Variants in UNC13C observed in about 807,000 individuals in gnomAD.
UNC13C encodes protein unc-13 homolog C.
A neutral mutation model predicts 245.4 loss-of-function variants in UNC13C; 174 were observed. That is an observed-to-expected ratio of 0.71 (90% CI 0.63 to 0.80). The LOEUF (loss-of-function observed/expected upper bound fraction) is 0.80, where lower values mean the gene tolerates loss of function less well. UNC13C is among the 30% of genes least tolerant of loss of function. The pLI, the probability that UNC13C is intolerant of heterozygous loss-of-function variation, is 0.00. For missense variants in UNC13C, 2,829 were observed against 2,602.9 expected, an observed-to-expected ratio of 1.09 and a Z score of -1.89; for synonymous variants, 992 against 895.1, an observed-to-expected ratio of 1.11 and a Z score of -1.93.
intron 32 of UNC13C, among the ~76,000 whole-genome samples, chr15:54,626,085 A>G (rs1596708744): frequency 6.6e-6 from 1 of 152,184 alleles, no homozygotes; most frequent in South Asian, 2.1e-4. Context: ...CTAGATGTAC[A>G]TTCATTAGAA....
intron 19 of UNC13C, among the ~76,000 whole-genome samples, chr15:54,492,072 C>T (rs967779545): frequency 2.6e-5 from 4 of 151,710 alleles, no homozygotes; most frequent in Non-Finnish European, 2.9e-5. Context: ...ACTTTTTCTA[C>T]TCATATATTT....
the UNC13C span, among the ~76,000 whole-genome samples, chr15:53,897,302 A>G: frequency 1.3e-5 from 2 of 152,184 alleles, no homozygotes; most frequent in Non-Finnish European, 2.9e-5. Context: ...AATGGACTGG[A>G]TCCGGAAAAT....
intron 2 of UNC13C, among the ~76,000 whole-genome samples, chr15:54,029,759 C>T (rs557546484): frequency 2.0e-5 from 3 of 152,140 alleles, no homozygotes; most frequent in African/African-American, 2.4e-5. Context: ...TCAGAAGGTG[C>T]GGCAGAGGTT....
At chr15:54,025,965 G>T (rs1345493903) in intron 2 of UNC13C, among the ~76,000 whole-genome samples, 2 of 152,118 alleles carry the variant, frequency 1.3e-5, no homozygotes, top group African/African-American at 2.4e-5. Context: ...CTTTTCTGAT[G>T]CTGACAGTGT....
chr15:54,137,366 C>A (rs8024250), intron 2 of UNC13C, among the ~76,000 whole-genome samples: 1 of 152,118 alleles, frequency 6.6e-6, no homozygotes, highest in Non-Finnish European at 1.5e-5. Flanking sequence ...ATAAAGTGAG[C>A]TGTAAGTATT....
At chr15:54,550,133 G>A (rs960857915) in intron 28 of UNC13C, among the ~76,000 whole-genome samples, 1 of 152,110 alleles carries the variant, frequency 6.6e-6, no homozygotes, top group Non-Finnish European at 1.5e-5. Context: ...GATTTAGGCA[G>A]GAAACTTCAG....
intron 30 of UNC13C, among the ~76,000 whole-genome samples, chr15:54,577,240 A>T (rs1218511639): frequency 2.0e-5 from 3 of 152,148 alleles, no homozygotes; most frequent in Non-Finnish European, 4.4e-5. Context: ...ATGATGTTTT[A>T]TTCAGTCTGT....
At chr15:54,213,721 A>T (rs2034955004) in intron 4 of UNC13C, among the ~76,000 whole-genome samples, 1 of 152,082 alleles carries the variant, frequency 6.6e-6, no homozygotes, top group Non-Finnish European at 1.5e-5. Context: ...ACTGAATTGC[A>T]TGTAACCAAA....
chr15:54,018,165 A>C (rs1895744515), intron 2 of UNC13C, among the ~76,000 whole-genome samples: 1 of 152,166 alleles, frequency 6.6e-6, no homozygotes, highest in Non-Finnish European at 1.5e-5. Flanking sequence ...TGCTCAGAGC[A>C]TCCCAAAGAG....
In UNC13C at chr15:54,143,628, A is replaced by T. The variant is rs1169194021; in HGVS notation, c.3015A>T (p.Ile1005=). Residue 1005 remains isoleucine (I), a synonymous_variant, in exon 4 of 33, where the codon ATA becomes ATT. Transcript: ENST00000260323. Reference sequence around the variant, plus strand: ...CTTACTCTTCATTTAAGGCTCGAATAGTAAGTGGCAATGATTTGGATGCTT... The same window carrying T: ...CTTACTCTTCATTTAAGGCTCGAATTGTAAGTGGCAATGATTTGGATGCTT... ...DSSSVDEKAR[I]VSGNDLDASK... is the part of the protein sequence containing the mutation. 2 of 1,613,138 alleles carry T rather than the reference A, an allele frequency of 1.2e-6. No homozygotes were observed. The highest frequency in any genetic ancestry group is 2.7e-5 in the African/African-American group (2 of 74,916).
At chr15:53,963,461 A>T in the UNC13C span, among the ~76,000 whole-genome samples, 1 of 152,168 alleles carries the variant, frequency 6.6e-6, no homozygotes, top group South Asian at 2.1e-4. Flanking sequence ...CAGTTTCCTC[A>T]TTAGTAAAAT....
At chr15:54,601,590 T>A (rs892286193) in intron 30 of UNC13C, among the ~76,000 whole-genome samples, 5 of 152,206 alleles carry the variant, frequency 3.3e-5, no homozygotes, top group African/African-American at 1.2e-4. Flanking sequence ...TTTGACTCTG[T>A]CAGCAGGAAA....
chr15:54,551,738 A>G (rs759391332), intron 28 of UNC13C, among the ~76,000 whole-genome samples: 13 of 152,060 alleles, frequency 8.5e-5, no homozygotes, highest in Non-Finnish European at 1.3e-4. Context: ...TTCGTTCTGT[A>G]TCATATTCCA....
chr15:53,966,685 A>C, the UNC13C span, among the ~76,000 whole-genome samples: 1 of 152,044 alleles, frequency 6.6e-6, no homozygotes. Flanking sequence ...ATAATTTACT[A>C]GAGTATATCC....
At chr15:54,023,721 A>G (rs958936631) in intron 2 of UNC13C, among the ~76,000 whole-genome samples, 8 of 152,334 alleles carry the variant, frequency 5.3e-5, no homozygotes, top group Admixed American at 3.9e-4. Flanking sequence ...TAAGACTGGA[A>G]TACCTGTATT....
At chr15:54,390,934 G>A (rs2039942070) in intron 17 of UNC13C, among the ~76,000 whole-genome samples, 1 of 151,940 alleles carries the variant, frequency 6.6e-6, no homozygotes, top group African/African-American at 2.4e-5. Context: ...AAAACTTAAT[G>A]ATTCAACATC....
the UNC13C span, among the ~76,000 whole-genome samples, chr15:53,899,517 C>T: frequency 1.3e-5 from 2 of 152,280 alleles, no homozygotes; most frequent in South Asian, 2.1e-4. Flanking sequence ...ATTTTCTTAA[C>T]TCACTCTTCT....
At chr15:54,345,615 A>G (rs558266128) in intron 17 of UNC13C, among the ~76,000 whole-genome samples, 1 of 152,200 alleles carries the variant, frequency 6.6e-6, no homozygotes, top group Non-Finnish European at 1.5e-5. Context: ...ACTCACGGAT[A>G]TTTGGATATT....
chr15:54,448,411 G>A (rs1190373019), intron 19 of UNC13C, among the ~76,000 whole-genome samples: 1 of 152,198 alleles, frequency 6.6e-6, no homozygotes, highest in Non-Finnish European at 1.5e-5. Context: ...GGGAGTCTAA[G>A]TCTCTTTGTA....
Sources: allele counts gnomAD v4.1 joint callset (sites outside exome capture counted in the v4.1 genomes callset), GRCh38; gene constraint gnomAD v4.1.1; transcripts MANE v1.5; gene names NCBI Gene and HGNC (gene_info 2026-07-23, HGNC 2026-07-21).